The following MGMT variants were observed in gnomAD, a reference collection of about 807,000 sequenced individuals.
MGMT encodes O-6-methylguanine-DNA methyltransferase.
Under a neutral mutation model 15.9 loss-of-function variants are expected in MGMT, and 14 were observed. The observed-to-expected ratio is 0.88, with a 90% CI of 0.58 to 1.37. MGMT has a LOEUF of 1.37. Among genes scored for constraint, MGMT ranks in the 40% most tolerant of loss-of-function variants. The probability of loss-of-function intolerance (pLI) is 0.00; values close to 1 mark genes in which losing one functional copy is unlikely to be tolerated. For synonymous variants in MGMT, 130 were observed against 118.2 expected, an observed-to-expected ratio of 1.10 and a Z score of -0.65; for missense variants, 282 against 268.1, an observed-to-expected ratio of 1.05 and a Z score of -0.36.
intron 2 of MGMT, among the ~76,000 whole-genome samples, chr10:129,683,666 G>GA (rs1331581358): frequency 6.6e-6 from 1 of 152,172 alleles, no homozygotes; most frequent in Non-Finnish European, 1.5e-5. Context: ...CACAGTACAT[G>GA]TGAACACTGG....
At chr10:129,552,224 GA>G (rs1846165224) in intron 2 of MGMT, among the ~76,000 whole-genome samples, 1 of 152,204 alleles carries the variant, frequency 6.6e-6, no homozygotes, top group Non-Finnish European at 1.5e-5. Flanking sequence ...GAACATGTGG[GA>G]GGGGCAGGCT....
At chr10:129,573,064 T>G (rs1305221935) in intron 2 of MGMT, among the ~76,000 whole-genome samples, 1 of 152,184 alleles carries the variant, frequency 6.6e-6, no homozygotes, top group Admixed American at 6.5e-5. Flanking sequence ...CTCATTTTAA[T>G]TTTTTGGATT....
chr10:129,748,992 C>G (rs1848724966), intron 3 of MGMT, among the ~76,000 whole-genome samples: 2 of 152,144 alleles, frequency 1.3e-5, no homozygotes, highest in Non-Finnish European at 2.9e-5. Flanking sequence ...CTTACAGACT[C>G]CACTCACTTT....
At chr10:129,542,444 G>A (rs902045876) in intron 2 of MGMT, among the ~76,000 whole-genome samples, 9 of 152,104 alleles carry the variant, frequency 5.9e-5, no homozygotes, top group African/African-American at 1.2e-4. Flanking sequence ...CCGCATTCAC[G>A]TTACTATAAT....
chr10:129,700,318 T>G (rs561615133), intron 2 of MGMT: 144 of 152,354 alleles, frequency 9.5e-4, no homozygotes, highest in African/African-American at 3.3e-3. Flanking sequence ...CTACTCAGTT[T>G]CCTAAAAGAA....
chr10:129,673,196 T>C (rs923087495), intron 2 of MGMT, among the ~76,000 whole-genome samples: 3 of 152,154 alleles, frequency 2.0e-5, no homozygotes, highest in Non-Finnish European at 4.4e-5. Flanking sequence ...GTGCTGCTGT[T>C]TCCTCCTGTA....
At chr10:129,708,985 C>G (rs1003347146) in intron 3 of MGMT, among the ~76,000 whole-genome samples, 1 of 152,188 alleles carries the variant, frequency 6.6e-6, no homozygotes, top group Admixed American at 6.5e-5. Flanking sequence ...GAAGGTTGGG[C>G]TAATACCTGA....
chr10:129,510,522 T>C (rs933768981), intron 1 of MGMT, among the ~76,000 whole-genome samples: 13 of 152,198 alleles, frequency 8.5e-5, no homozygotes, highest in Admixed American at 6.5e-5. Flanking sequence ...TTGGAAATTA[T>C]GGCTGACAGA....
intron 1 of MGMT, among the ~76,000 whole-genome samples, chr10:129,506,318 C>T (rs903234600): frequency 6.6e-6 from 1 of 152,170 alleles, no homozygotes; most frequent in Non-Finnish European, 1.5e-5. Flanking sequence ...ATTTCCCTGC[C>T]TACCCTCGGT....
chr10:129,518,265 AAT>A (rs769479701), intron 1 of MGMT, among the ~76,000 whole-genome samples: 8 of 151,614 alleles, frequency 5.3e-5, no homozygotes, highest in South Asian at 2.1e-4. Flanking sequence ...TAATTCACGA[AAT>A]ATGTGAAAAA....
chr10:129,630,097 G>A (rs1379130499), intron 2 of MGMT, among the ~76,000 whole-genome samples: 1 of 152,200 alleles, frequency 6.6e-6, no homozygotes, highest in Admixed American at 6.5e-5. Context: ...GGTTAATCGC[G>A]TGCGTCTCCA....
At chr10:129,517,221 T>C (rs1192245935) in intron 1 of MGMT, among the ~76,000 whole-genome samples, 1 of 152,222 alleles carries the variant, frequency 6.6e-6, no homozygotes. Flanking sequence ...GGCAGTCTTC[T>C]GAATGGACCT....
At chr10:129,583,941 G>A (rs565451733) in intron 2 of MGMT, among the ~76,000 whole-genome samples, 7 of 152,154 alleles carry the variant, frequency 4.6e-5, no homozygotes, top group Admixed American at 2.6e-4. Flanking sequence ...AGTGAGGCAG[G>A]ACGTGGAGCA....
At chr10:129,624,589 A>G (rs1374353800) in intron 2 of MGMT, among the ~76,000 whole-genome samples, 5 of 152,256 alleles carry the variant, frequency 3.3e-5, no homozygotes, top group Admixed American at 3.3e-4. Context: ...GGAAGACACG[A>G]AATAGCAAAC....
chr10:129,558,522 A>G (rs1161192774), intron 2 of MGMT, among the ~76,000 whole-genome samples: 2 of 152,180 alleles, frequency 1.3e-5, no homozygotes, highest in Non-Finnish European at 2.9e-5. Context: ...GGCGGGGGCC[A>G]GTTTGCCTGG....
chr10:129,637,544 C>T (rs183188046), intron 2 of MGMT, among the ~76,000 whole-genome samples: 408 of 152,304 alleles, frequency 2.7e-3, no homozygotes, highest in East Asian at 8.9e-3. Context: ...GGGGCAGGAT[C>T]GAAGGAGGCT....
At chr10:129,620,665 G>A (rs1484008833) in intron 2 of MGMT, among the ~76,000 whole-genome samples, 2 of 152,098 alleles carry the variant, frequency 1.3e-5, no homozygotes, top group African/African-American at 4.8e-5. Flanking sequence ...GCCTATGCAT[G>A]TGTTATACTC....
chr10:129,614,500 C>A (rs538903548), intron 2 of MGMT, among the ~76,000 whole-genome samples: 4 of 152,132 alleles, frequency 2.6e-5, no homozygotes, highest in Admixed American at 6.5e-5. Context: ...GGCCCTGACA[C>A]GTGCTCGGCG....
intron 1 of MGMT, among the ~76,000 whole-genome samples, chr10:129,488,248 TATC>T (rs1007127765): frequency 1.3e-5 from 2 of 152,158 alleles, no homozygotes; most frequent in African/African-American, 4.8e-5. Context: ...AACTTGGAGT[TATC>T]ATGCTACTAA....
Sources: allele counts gnomAD v4.1 joint callset (sites outside exome capture counted in the v4.1 genomes callset), GRCh38; gene constraint gnomAD v4.1.1; transcripts MANE v1.5; gene names NCBI Gene and HGNC (gene_info 2026-07-23, HGNC 2026-07-21).